STK32B: variants seen among roughly 807,000 people sequenced by gnomAD.
STK32B encodes the protein serine/threonine kinase 32B, also known as serine/threonine-protein kinase 32B.
A neutral mutation model predicts 52.6 loss-of-function variants in STK32B; 43 were observed. That is an observed-to-expected ratio of 0.82 (90% CI 0.64 to 1.05). The LOEUF (loss-of-function observed/expected upper bound fraction) is 1.05, where lower values mean the gene tolerates loss of function less well. Among genes scored for constraint, STK32B ranks in the 50% least tolerant of loss-of-function variants. STK32B has a pLI of 0.00. For synonymous variants in STK32B, 238 were observed against 204.3 expected, an observed-to-expected ratio of 1.17 and a Z score of -1.41; for missense variants, 621 against 534.6, an observed-to-expected ratio of 1.16 and a Z score of -1.59.
intron 11 of STK32B, among the ~76,000 whole-genome samples, chr4:5,486,174 A>G (rs562052452): frequency 6.6e-6 from 1 of 152,314 alleles, no homozygotes; most frequent in African/African-American, 2.4e-5. Flanking sequence ...GGCTATGCCC[A>G]TGCCCCCAGA....
intron 3 of STK32B, among the ~76,000 whole-genome samples, chr4:5,263,761 T>C (rs1726878698): frequency 6.6e-6 from 1 of 152,246 alleles, no homozygotes; most frequent in Admixed American, 6.5e-5. Flanking sequence ...CTCTTATAAC[T>C]CACACTCACT....
chr4:5,273,760 C>T (rs1727605195), intron 3 of STK32B, among the ~76,000 whole-genome samples: 1 of 138,584 alleles, frequency 7.2e-6, no homozygotes, highest in South Asian at 2.5e-4. Context: ...CCAAACACCA[C>T]ATATTCTCAC....
intron 11 of STK32B, among the ~76,000 whole-genome samples, chr4:5,496,642 G>C (rs954989129): frequency 1.3e-5 from 2 of 152,042 alleles, no homozygotes; most frequent in East Asian, 1.9e-4. Flanking sequence ...CATCTTCTGC[G>C]TCGCTCACAC....
At chr4:5,444,975 A>G (rs1347453224) in intron 6 of STK32B, among the ~76,000 whole-genome samples, 1 of 152,192 alleles carries the variant, frequency 6.6e-6, no homozygotes, top group East Asian at 1.9e-4. Context: ...GGCACTGAGT[A>G]TGTAGTTTGT....
In STK32B at chr4:5,410,086, T is replaced by A. The variant is rs3774849; in HGVS notation, c.473-6759T>A. 3.2e-3 allele frequency among the ~76,000 whole-genome samples: 488 copies of A among 152,286 alleles called. 22 individuals carry two copies. The East Asian group carries it at 0.077, about 24-fold the overall frequency. ...AGAAGAAAAGAATAGTTCTGTGTGG[T>A]GCCCAGAGTGTTTGATCCTGTGTTG... On this transcript the variant is annotated intron_variant, in intron 5 of 11. Coordinates refer to ENST00000282908, the MANE Select transcript of STK32B (RefSeq NM_018401.3).
rs1440357044 is a variant in STK32B, at chr4:5,394,394, T to TA, written c.435-3812dup. Among the ~76,000 whole-genome samples, 8 of 152,174 alleles carry TA rather than the reference T, an allele frequency of 5.3e-5. No individual in the cohort carries two copies. The highest frequency in any genetic ancestry group is 1.7e-4 in the African/African-American group (7 of 41,438). On this transcript the variant is annotated intron_variant, in intron 4 of 11. Coordinates refer to ENST00000282908, the MANE Select transcript of STK32B (RefSeq NM_018401.3). The surrounding 1 kb of genome is among the most constrained non-coding windows in gnomAD (Gnocchi z 4.2). ...ACAGGATGACGCGCTGGAGCTGAGA[T>TA]ACGATCAATGTGAAAAATAGAGCTG...
intron 3 of STK32B, among the ~76,000 whole-genome samples, chr4:5,280,066 T>C (rs79190272): frequency 0.052 from 7,912 of 152,324 alleles, 295 homozygotes; most frequent in African/African-American, 0.11. Flanking sequence ...TCTTTACTTA[T>C]GCACATTTCT....
chr4:5,377,544 CAAAA>C (rs1735660015), intron 4 of STK32B, among the ~76,000 whole-genome samples: 1 of 152,202 alleles, frequency 6.6e-6, no homozygotes, highest in Non-Finnish European at 1.5e-5. Context: ...CTGCTTTCCA[CAAAA>C]GATATCCAGT....
chr4:5,315,240 G>GAAATGTAAATTA (rs1553869989), intron 3 of STK32B, among the ~76,000 whole-genome samples: 2 of 151,774 alleles, frequency 1.3e-5, no homozygotes, highest in African/African-American at 4.9e-5. Context: ...CTCCATTAGT[G>GAAATGTAAATTA]AAATGCAAAT....
chr4:5,488,908 T>G (rs1719448376), intron 11 of STK32B, among the ~76,000 whole-genome samples: 1 of 152,098 alleles, frequency 6.6e-6, no homozygotes, highest in Non-Finnish European at 1.5e-5. Context: ...AAGAATATAT[T>G]TTATGTCTGT....
rs1309281949 is a variant in STK32B at position 5,317,279 on chromosome 4, CATATAACATATATATAATATATAAT to C, written c.261-13929_261-13905del. On this transcript the variant is annotated intron_variant, in intron 3 of 11. Transcript: ENST00000282908. ...CATATAACATATATATAATATATAA[CATATAACATATATATAATATATAAT>C]ATATAACATATGTATAATATATATT... Among the ~76,000 whole-genome samples the C allele has an allele frequency of 5.5e-4, 9 of 16,444 alleles. No homozygotes were observed. The East Asian group carries it at 8.9e-3, about 16-fold the overall frequency. The allele number at this position is 16,444 out of a possible 152,430, so 10.8% of individuals were successfully genotyped here.
chr4:5,486,364 G>A (rs1055029317), intron 11 of STK32B, among the ~76,000 whole-genome samples: 6 of 152,290 alleles, frequency 3.9e-5, no homozygotes, highest in African/African-American at 9.6e-5. Flanking sequence ...GCGAGGCTCC[G>A]TGGGTGTAGG....
chr4:5,444,122 G>C (rs553730268), intron 6 of STK32B, among the ~76,000 whole-genome samples: 2 of 152,296 alleles, frequency 1.3e-5, no homozygotes, highest in East Asian at 3.9e-4. Flanking sequence ...GCTGTGGTGG[G>C]CTCCGCCCAG....
At position 5,168,437 on chromosome 4, in the gene STK32B, C is replaced by G. The variant is rs1325990926; in HGVS notation, c.247C>G (p.Leu83Val). The G allele has an allele frequency of 1.2e-6, 2 of 1,613,082 alleles. No individual in the cohort carries two copies. Among genetic ancestry groups the G allele is most frequent in the Non-Finnish European group, 1.7e-6 (2 of 1,179,662 alleles). ...QIMQGLEHPFLVNLWYSFQDE... is the reference protein window; with the variant it reads ...QIMQGLEHPFVVNLWYSFQDE... ...CATGCAAGGGCTGGAGCACCCCTTCCTGGTCAATCTGTGGTGAGTGTGGCT... is the reference window on the plus strand; with the variant it reads ...CATGCAAGGGCTGGAGCACCCCTTCGTGGTCAATCTGTGGTGAGTGTGGCT... The change falls in exon 3 of 12, where the codon CTG becomes GTG. Residue 83 changes from leucine (L) to valine (V), a missense_variant. Coordinates refer to ENST00000282908, the MANE Select transcript of STK32B (RefSeq NM_018401.3).
chr4:5,443,956 G>T (rs201155780), intron 6 of STK32B, among the ~76,000 whole-genome samples: 1 of 152,258 alleles, frequency 6.6e-6, no homozygotes, highest in Non-Finnish European at 1.5e-5. Context: ...CAGTCTGCCA[G>T]TTCTCAGATC....
chr4:5,150,155 T>A (rs1717230514), intron 2 of STK32B, among the ~76,000 whole-genome samples: 1 of 152,086 alleles, frequency 6.6e-6, no homozygotes, highest in Non-Finnish European at 1.5e-5. Context: ...AAAAGTCCCT[T>A]AAAATTTGAC....
chr4:5,475,709 A>AT (rs1290059729), intron 11 of STK32B, among the ~76,000 whole-genome samples: 11 of 151,728 alleles, frequency 7.2e-5, no homozygotes, highest in Admixed American at 7.2e-4. Flanking sequence ...AAAAAAAAAA[A>AT]GTGTGACCGA....
chr4:5,380,695 C>T lies in STK32B; in HGVS notation c.435-17512C>T, dbSNP rs533121217. On this transcript the variant is annotated intron_variant, in intron 4 of 11. Transcript: ENST00000282908. The surrounding 1 kb of genome is among the most constrained non-coding windows in gnomAD (Gnocchi z 4.3). ...TGATTTAATGCCCGGTACTTGCCAT[C>T]GTGAAATCCTTAAAGCTTTGAACAA... Among the ~76,000 whole-genome samples, 5 of 152,302 alleles carry T rather than the reference C, an allele frequency of 3.3e-5. No individual in the cohort carries two copies. The highest frequency in any genetic ancestry group is 2.0e-4 in the Admixed American group (3 of 15,304).
At chr4:5,062,383 A>G (rs1251433085) in intron 1 of STK32B, among the ~76,000 whole-genome samples, 1 of 152,240 alleles carries the variant, frequency 6.6e-6, no homozygotes, top group African/African-American at 2.4e-5. Context: ...GAGCCAACTC[A>G]TGAACCTCAC....
Sources: allele counts gnomAD v4.1 joint callset (sites outside exome capture counted in the v4.1 genomes callset), GRCh38; gene constraint gnomAD v4.1.1; non-coding constraint Gnocchi (gnomAD v3.1); transcripts MANE v1.5; gene names NCBI Gene and HGNC (gene_info 2026-07-23, HGNC 2026-07-21).